The following PCDH9 variants were observed in gnomAD, a reference collection of about 807,000 sequenced individuals.
PCDH9 encodes protocadherin 9.
A neutral mutation model predicts 70.6 loss-of-function variants in PCDH9; 24 were observed. The ratio of observed to expected loss-of-function variants is 0.34; its 90% CI spans 0.25 to 0.48. The LOEUF is 0.48. Ranked by LOEUF, PCDH9 falls within the 20% of genes least tolerant of loss-of-function variation. The pLI, the probability that PCDH9 is intolerant of heterozygous loss-of-function variation, is 0.99. For missense variants in PCDH9, 1,281 were observed against 1,503.6 expected, an observed-to-expected ratio of 0.85 and a Z score of 2.45; for synonymous variants, 562 against 558.5, an observed-to-expected ratio of 1.01 and a Z score of -0.09.
At chr13:67,111,467 G>A (rs1182056867) in intron 2 of PCDH9, among the ~76,000 whole-genome samples, 2 of 152,132 alleles carry the variant, frequency 1.3e-5, no homozygotes, top group Admixed American at 6.5e-5. Flanking sequence ...ACTAGTCTAT[G>A]CTAGGTCTAA....
chr13:66,596,755 T>C (rs1204217968), intron 4 of PCDH9, among the ~76,000 whole-genome samples: 1 of 151,488 alleles, frequency 6.6e-6, no homozygotes, highest in Non-Finnish European at 1.5e-5. Flanking sequence ...AATTATTCAT[T>C]GCCTTACTGG....
intron 3 of PCDH9, among the ~76,000 whole-genome samples, chr13:66,883,898 A>ATTTTTT (rs539703609): frequency 9.2e-6 from 1 of 108,158 alleles, no homozygotes. Flanking sequence ...TTGAGCGTTC[A>ATTTTTT]TTTTTTTTTT....
At chr13:66,418,393 T>C (rs1362406179) in intron 4 of PCDH9, among the ~76,000 whole-genome samples, 1 of 152,184 alleles carries the variant, frequency 6.6e-6, no homozygotes, top group Admixed American at 6.5e-5. Flanking sequence ...ACAATGTTGT[T>C]TGGTTACTGT....
intron 4 of PCDH9, among the ~76,000 whole-genome samples, chr13:66,469,053 G>C (rs889307532): frequency 5.3e-5 from 8 of 152,028 alleles, no homozygotes; most frequent in Non-Finnish European, 8.8e-5. Context: ...GTGTGTGTGG[G>C]ACCTAATCAG....
At chr13:67,128,559 A>G (rs2087034001) in intron 2 of PCDH9, among the ~76,000 whole-genome samples, 1 of 152,162 alleles carries the variant, frequency 6.6e-6, no homozygotes, top group African/African-American at 2.4e-5. Flanking sequence ...TATTTATTTA[A>G]TTTAATTAAT....
intron 4 of PCDH9, among the ~76,000 whole-genome samples, chr13:66,494,195 G>A (rs983764142): frequency 6.6e-6 from 1 of 152,062 alleles, no homozygotes; most frequent in African/African-American, 2.4e-5. Flanking sequence ...CTTATCAAAA[G>A]AATTTTCGAT....
At position 67,020,808 on chromosome 13, in the gene PCDH9, T is replaced by C. The variant is rs369001819; in HGVS notation, c.3037-117203A>G. ...AATGTGTCTAGTTTTAACTAGATTA[T>C]ATATCTGTCATCTGTTAATTGTGAA... On this transcript the variant is annotated intron_variant, in intron 2 of 4. Coordinates refer to ENST00000377865, the MANE Select transcript of PCDH9 (RefSeq NM_203487.3). 5.3e-5 allele frequency among the ~76,000 whole-genome samples: 8 copies of C among 152,218 alleles called. No homozygotes were observed. The East Asian group carries it at 1.5e-3, about 29-fold the overall frequency.
intron 4 of PCDH9, among the ~76,000 whole-genome samples, chr13:66,508,554 T>C (rs1959295643): frequency 6.6e-6 from 1 of 152,202 alleles, no homozygotes; most frequent in Non-Finnish European, 1.5e-5. Context: ...ACACGGGTGA[T>C]GTCGAATACA....
intron 2 of PCDH9, among the ~76,000 whole-genome samples, chr13:67,088,846 AG>A (rs2086161239): frequency 6.6e-6 from 1 of 152,080 alleles, no homozygotes; most frequent in South Asian, 2.1e-4. Context: ...ACTACAAGGA[AG>A]ACAATGATTG....
At chr13:66,631,583 T>C (rs749023387) in intron 3 of PCDH9, among the ~76,000 whole-genome samples, 172 bp from the exon 4 acceptor site, 3 of 152,162 alleles carry the variant, frequency 2.0e-5, no homozygotes, top group African/African-American at 7.2e-5. Context: ...TACTATGTAA[T>C]GGCCAACCAG....
At chr13:66,863,765 T>G (rs1157836131) in intron 3 of PCDH9, among the ~76,000 whole-genome samples, 2 of 152,058 alleles carry the variant, frequency 1.3e-5, no homozygotes, top group Non-Finnish European at 2.9e-5. Context: ...AATACCAATT[T>G]TTTTAATGTA....
intron 4 of PCDH9, among the ~76,000 whole-genome samples, chr13:66,532,201 A>C (rs1329697923): frequency 1.3e-5 from 2 of 151,302 alleles, no homozygotes; most frequent in Non-Finnish European, 2.9e-5. Flanking sequence ...ACAGGGTCTC[A>C]CTATATTGCT....
chr13:66,582,505 C>T (rs949600068), intron 4 of PCDH9, among the ~76,000 whole-genome samples: 11 of 152,124 alleles, frequency 7.2e-5, no homozygotes, highest in South Asian at 2.1e-4. Flanking sequence ...TGGTGTTGTA[C>T]ACCTGTAGTC....
chr13:67,028,119 C>T (rs1233995688), intron 2 of PCDH9, among the ~76,000 whole-genome samples: 1 of 149,810 alleles, frequency 6.7e-6, no homozygotes, highest in Non-Finnish European at 1.5e-5. Context: ...CACATGCACA[C>T]ATATGTTTCT....
At chr13:66,354,349 A>G (rs1956344226) in intron 4 of PCDH9, among the ~76,000 whole-genome samples, 4 of 151,604 alleles carry the variant, frequency 2.6e-5, no homozygotes, top group African/African-American at 9.7e-5. Flanking sequence ...AAGAAATCCC[A>G]GCATGGTCAT....
intron 3 of PCDH9, among the ~76,000 whole-genome samples, chr13:66,714,414 A>G (rs1360080449): frequency 6.6e-6 from 1 of 151,768 alleles, no homozygotes; most frequent in Non-Finnish European, 1.5e-5. Flanking sequence ...CAGTGAGCCA[A>G]GATCGTGCCA....
chr13:66,448,481 A>G (rs974830101), intron 4 of PCDH9, among the ~76,000 whole-genome samples: 1 of 152,226 alleles, frequency 6.6e-6, no homozygotes, highest in South Asian at 2.1e-4. Flanking sequence ...AATTTTAGCT[A>G]GTTTAAAATC....
At chr13:67,083,202 T>C (rs1277818507) in intron 2 of PCDH9, among the ~76,000 whole-genome samples, 1 of 152,152 alleles carries the variant, frequency 6.6e-6, no homozygotes, top group Admixed American at 6.6e-5. Flanking sequence ...ATAACATATG[T>C]ATTATTAAAA....
At chr13:67,221,321 T>A (rs951326981) in intron 2 of PCDH9, 5 of 152,068 alleles carry the variant, frequency 3.3e-5, no homozygotes, top group Admixed American at 3.3e-4. Flanking sequence ...TCAGTAGTGG[T>A]TGTAGTAGAT....
Sources: gnomAD v4.1 joint callset for allele counts (sites outside exome capture counted in the v4.1 genomes callset) on GRCh38, gnomAD v4.1.1 for gene constraint, MANE v1.5 for transcripts, NCBI Gene and HGNC (gene_info 2026-07-23, HGNC 2026-07-21) for gene names.